The following IRAG2 variants were observed in gnomAD, a reference collection of about 807,000 sequenced individuals.
IRAG2 encodes the protein lymphoid restricted membrane protein.
In IRAG2, 45 loss-of-function variants were observed where a neutral mutation model predicts 69.9. The ratio of observed to expected loss-of-function variants is 0.64; its 90% CI spans 0.51 to 0.83. The LOEUF (loss-of-function observed/expected upper bound fraction) is 0.83, where lower values mean the gene tolerates loss of function less well. Ranked by LOEUF, IRAG2 falls within the 40% of genes least tolerant of loss-of-function variation. IRAG2 has a pLI of 0.00. For synonymous variants in IRAG2, 193 were observed against 202.4 expected (o/e 0.95, Z 0.40); for missense variants, 520 against 587.0 (o/e 0.89, Z 1.18).
chr12:25,032,732 G>A (rs1944677459), intron 12 of IRAG2, among the ~76,000 whole-genome samples: 1 of 152,202 alleles, frequency 6.6e-6, no homozygotes, highest in Non-Finnish European at 1.5e-5. Flanking sequence ...AGGAAAAGCA[G>A]TTAGCTAACT....
At chr12:25,103,306 C>CA (rs1033818763) in intron 17 of IRAG2, 1 of 152,522 alleles carries the variant, frequency 6.6e-6, no homozygotes, top group African/African-American at 2.4e-5. Flanking sequence ...AAACCATGAA[C>CA]AAAAAAGCTA....
chr12:25,087,943 T>C (rs1947752103), intron 10 of IRAG2, among the ~76,000 whole-genome samples, 157 bp from the exon 11 acceptor site: 1 of 152,192 alleles, frequency 6.6e-6, no homozygotes, highest in African/African-American at 2.4e-5. Flanking sequence ...GGAAAAACTG[T>C]CTTCCAGGAA....
At chr12:25,069,854 C>G (rs11047807) in intron 6 of IRAG2, among the ~76,000 whole-genome samples, 11 of 152,152 alleles carry the variant, frequency 7.2e-5, no homozygotes, top group Non-Finnish European at 1.5e-4. Flanking sequence ...CCACAAAGCA[C>G]GGCCATGCCC....
intron 8 of IRAG2, among the ~76,000 whole-genome samples, chr12:25,026,390 A>C (rs1361880582): frequency 5.3e-5 from 8 of 152,198 alleles, no homozygotes. Context: ...AGGCATTTGG[A>C]AGGGAATGAT....
intron 1 of IRAG2, among the ~76,000 whole-genome samples, chr12:25,060,593 C>A (rs747215998): frequency 1.1e-4 from 16 of 150,882 alleles, no homozygotes; most frequent in Non-Finnish European, 1.5e-4. Context: ...TTTGAGGGCT[C>A]AAGCAGAGGC....
At chr12:25,009,094 G>T (rs1944454979) in intron 2 of IRAG2, among the ~76,000 whole-genome samples, 1 of 152,158 alleles carries the variant, frequency 6.6e-6, no homozygotes, top group South Asian at 2.1e-4. Flanking sequence ...CTTGAGGCCA[G>T]GAGTTCAAGA....
intron 6 of IRAG2, among the ~76,000 whole-genome samples, chr12:25,018,301 A>G (rs964376997): frequency 3.4e-5 from 5 of 148,884 alleles, no homozygotes; most frequent in Admixed American, 2.8e-4. Context: ...CCTAGGCTCA[A>G]GTGATCTTCT....
At chr12:25,078,331 C>T (rs1402429716) in intron 6 of IRAG2, among the ~76,000 whole-genome samples, 1 of 152,156 alleles carries the variant, frequency 6.6e-6, no homozygotes. Context: ...ATGGGAGATA[C>T]TTTCTGGGAC....
chr12:25,083,547 A>G, intron 10 of IRAG2, 54 bp downstream of exon 10: 2 of 1,043,910 alleles, frequency 1.9e-6, no homozygotes, highest in Non-Finnish European at 1.5e-6. Context: ...CAATGGTAGA[A>G]CTATCCCTCT....
chr12:25,018,690 G>C (rs1465087583), intron 6 of IRAG2, among the ~76,000 whole-genome samples: 1 of 152,196 alleles, frequency 6.6e-6, no homozygotes, highest in Non-Finnish European at 1.5e-5. Context: ...GGATGAATAT[G>C]TTGGTCAGGA....
intron 3 of IRAG2, among the ~76,000 whole-genome samples, chr12:25,014,000 G>A (rs1281803996): frequency 1.4e-5 from 2 of 146,102 alleles, no homozygotes; most frequent in Non-Finnish European, 3.0e-5. Flanking sequence ...TCAGCCTCCC[G>A]AGTAGCTGGG....
At chr12:25,061,211 T>C (rs1467034878) in intron 1 of IRAG2, among the ~76,000 whole-genome samples, 2 of 152,148 alleles carry the variant, frequency 1.3e-5, no homozygotes, top group African/African-American at 4.8e-5. Flanking sequence ...AGCAATGAAA[T>C]GAATTAAAGG....
At chr12:25,068,744 C>T (rs766160059) in intron 5 of IRAG2, among the ~76,000 whole-genome samples, 5 of 152,132 alleles carry the variant, frequency 3.3e-5, no homozygotes, top group African/African-American at 9.7e-5. Context: ...TTAGACACTC[C>T]GTATCAGGAA....
chr12:25,050,016 G>A (rs1333878005), upstream of IRAG2, among the ~76,000 whole-genome samples: 1 of 136,410 alleles, frequency 7.3e-6, no homozygotes, highest in Non-Finnish European at 1.5e-5. Context: ...AAAGCTACTC[G>A]GGAGGCCGAG....
chr12:25,042,744 C>T (rs940821380), intron 16 of IRAG2, among the ~76,000 whole-genome samples: 5 of 151,780 alleles, frequency 3.3e-5, no homozygotes, highest in Admixed American at 6.6e-5. Flanking sequence ...GGATTATAGG[C>T]ATGAACCACC....
intron 14 of IRAG2, among the ~76,000 whole-genome samples, chr12:25,090,465 A>T (rs1341331324): frequency 6.6e-6 from 1 of 152,014 alleles, no homozygotes; most frequent in Non-Finnish European, 1.5e-5. Flanking sequence ...GGATCATTTG[A>T]GCCCAGGAGT....
chr12:25,058,831 G>A (rs1323971638), intron 1 of IRAG2, among the ~76,000 whole-genome samples: 1 of 152,162 alleles, frequency 6.6e-6, no homozygotes, highest in Admixed American at 6.5e-5. Context: ...CCTTCTATAT[G>A]AAGCATATAT....
At chr12:25,059,089 A>G (rs929169368) in intron 1 of IRAG2, among the ~76,000 whole-genome samples, 6 of 152,296 alleles carry the variant, frequency 3.9e-5, no homozygotes, top group Middle Eastern at 3.4e-3. Context: ...ATACTAGCTC[A>G]TCATCGCTTC....
chr12:25,008,599 C>T (rs1348749378), intron 2 of IRAG2, among the ~76,000 whole-genome samples: 1 of 152,010 alleles, frequency 6.6e-6, no homozygotes, highest in Non-Finnish European at 1.5e-5. Context: ...ATTACCCAGG[C>T]GTGGTGGCAC....
Sources: gnomAD v4.1 joint callset for allele counts (sites outside exome capture counted in the v4.1 genomes callset) on GRCh38, gnomAD v4.1.1 for gene constraint, MANE v1.5 for transcripts, NCBI Gene and HGNC (gene_info 2026-07-23, HGNC 2026-07-21) for gene names.